The following UCHL3 variants were observed in gnomAD, a reference collection of about 807,000 sequenced individuals.
UCHL3 encodes ubiquitin carboxyl-terminal hydrolase isozyme L3.
A neutral mutation model predicts 35.8 loss-of-function variants in UCHL3; 22 were observed. The observed-to-expected ratio is 0.61, with a 90% CI of 0.44 to 0.88. The LOEUF is 0.88. Ranked by LOEUF, UCHL3 falls within the 40% of genes least tolerant of loss-of-function variation. The pLI, the probability that UCHL3 is intolerant of heterozygous loss-of-function variation, is 0.00. For missense variants in UCHL3, 229 were observed against 276.9 expected (o/e 0.83, Z 1.23); for synonymous variants, 90 against 92.8 (o/e 0.97, Z 0.17).
At chr13:75,551,180 A>G (rs1290823066) in intron 2 of UCHL3, among the ~76,000 whole-genome samples, 1 of 152,204 alleles carries the variant, frequency 6.6e-6, no homozygotes, top group African/African-American at 2.4e-5. Context: ...CTGTAATCCT[A>G]GCACTGGCGC....
intron 7 of UCHL3, among the ~76,000 whole-genome samples, chr13:75,602,096 G>A (rs1038656062): frequency 5.6e-5 from 8 of 142,838 alleles, no homozygotes; most frequent in African/African-American, 1.6e-4. Flanking sequence ...GCGACAGAGC[G>A]AGACTCTGTC....
intron 6 of UCHL3, among the ~76,000 whole-genome samples, chr13:75,593,640 G>A (rs1480192792): frequency 1.3e-5 from 2 of 152,188 alleles, no homozygotes; most frequent in Non-Finnish European, 2.9e-5. Context: ...AACACCTGTG[G>A]AATTCTGTAG....
intron 6 of UCHL3, among the ~76,000 whole-genome samples, chr13:75,581,516 A>ATTTTTTTT (rs11330521): frequency 1.8e-5 from 2 of 109,394 alleles, no homozygotes; most frequent in Admixed American, 1.9e-4. Context: ...CACCTGGCTA[A>ATTTTTTTT]TTTTTTTTTT....
chr13:75,557,713 C>T (rs549728845), intron 2 of UCHL3, among the ~76,000 whole-genome samples: 2 of 152,008 alleles, frequency 1.3e-5, no homozygotes, highest in Non-Finnish European at 2.9e-5. Context: ...GTGTTTTCTC[C>T]CAGTTTTGTA....
At chr13:75,602,857 G>A (rs1467529161) in intron 7 of UCHL3, among the ~76,000 whole-genome samples, 5 of 152,102 alleles carry the variant, frequency 3.3e-5, no homozygotes, top group African/African-American at 4.8e-5. Flanking sequence ...TAGACTGTAC[G>A]GTTTTGACAT....
At chr13:75,561,738 T>C (rs888177824) in intron 3 of UCHL3, among the ~76,000 whole-genome samples, 22 of 151,740 alleles carry the variant, frequency 1.4e-4, no homozygotes, top group African/African-American at 2.4e-4. Context: ...CAAGTCTACA[T>C]ATTTTAGTCT....
At chr13:75,599,931 A>G (rs988976062) in intron 7 of UCHL3, among the ~76,000 whole-genome samples, 12 of 152,228 alleles carry the variant, frequency 7.9e-5, no homozygotes, top group African/African-American at 2.7e-4. Flanking sequence ...CCAAGTTGTG[A>G]ATGCAAAGGA....
chr13:75,557,597 T>C (rs138355808), intron 2 of UCHL3, among the ~76,000 whole-genome samples: 46 of 152,296 alleles, frequency 3.0e-4, no homozygotes, highest in African/African-American at 1.1e-3. Context: ...AATGGGATGC[T>C]TCTAATTAAC....
chr13:75,564,241 C>A (rs1399727713), intron 3 of UCHL3, among the ~76,000 whole-genome samples: 3 of 151,760 alleles, frequency 2.0e-5, no homozygotes, highest in Non-Finnish European at 4.4e-5. Flanking sequence ...AGCTCCGCCT[C>A]CTGGGTTCGC....
chr13:75,602,449 T>G (rs1346945399), intron 7 of UCHL3, among the ~76,000 whole-genome samples: 1 of 152,154 alleles, frequency 6.6e-6, no homozygotes, highest in Admixed American at 6.5e-5. Context: ...GGACTGGGGT[T>G]TTTAGGTTAC....
At chr13:75,587,928 T>G (rs570651298) in intron 6 of UCHL3, among the ~76,000 whole-genome samples, 3 of 152,274 alleles carry the variant, frequency 2.0e-5, no homozygotes, top group African/African-American at 7.2e-5. Context: ...CACAGCCTAT[T>G]CTTTTGCAAC....
At chr13:75,559,242 G>C (rs575260083) in intron 2 of UCHL3, among the ~76,000 whole-genome samples, 2 of 151,026 alleles carry the variant, frequency 1.3e-5, no homozygotes, top group Non-Finnish European at 3.0e-5. Context: ...GGGTTTCACC[G>C]TATTAGCCAG....
intron 6 of UCHL3, among the ~76,000 whole-genome samples, chr13:75,589,126 A>T (rs567313401): frequency 2.1e-4 from 32 of 152,252 alleles, no homozygotes; most frequent in African/African-American, 6.5e-4. Context: ...AGTGATTAAG[A>T]TCATTGGACT....
Position 75,580,515 on chromosome 13 carries a change from T to G in UCHL3, c.474+11008T>G, listed in dbSNP as rs187176634. ...AGAGATGTTCCCAATTATTTTCTTT[T>G]CCATGTGCCATATTTTAGACTCAGC... On this transcript the variant is annotated intron_variant, in intron 6 of 8. Coordinates refer to ENST00000377595, the MANE Select transcript of UCHL3 (RefSeq NM_006002.5). Among the ~76,000 whole-genome samples, 192 of 152,330 alleles carry G rather than the reference T, an allele frequency of 1.3e-3. 1 individual carries two copies. Among genetic ancestry groups the G allele is most frequent in the African/African-American group, 4.5e-3 (188 of 41,572 alleles).
intron 4 of UCHL3, 125 bp from the exon 5 acceptor site, chr13:75,567,102 T>C: frequency 1.0e-6 from 1 of 961,264 alleles, no homozygotes; most frequent in Non-Finnish European, 1.5e-6. Flanking sequence ...ACATGATCCT[T>C]ACATTTCTAA....
intron 2 of UCHL3, among the ~76,000 whole-genome samples, chr13:75,553,323 C>G (rs1192307868): frequency 6.6e-6 from 1 of 152,172 alleles, no homozygotes; most frequent in African/African-American, 2.4e-5. Context: ...GTGTAGCTTG[C>G]TTCTGTGTGT....
intron 7 of UCHL3, among the ~76,000 whole-genome samples, chr13:75,601,338 A>G (rs1475709976): frequency 6.6e-6 from 1 of 152,250 alleles, no homozygotes; most frequent in African/African-American, 2.4e-5. Flanking sequence ...GTCAAACAGC[A>G]TCACATGCTA....
At chr13:75,570,798 G>A (rs991775918) in intron 6 of UCHL3, among the ~76,000 whole-genome samples, 3 of 152,074 alleles carry the variant, frequency 2.0e-5, no homozygotes, top group African/African-American at 7.2e-5. Context: ...TGTAGCACTA[G>A]CTACTAGGGA....
intron 6 of UCHL3, among the ~76,000 whole-genome samples, chr13:75,582,871 A>G (rs781749801): frequency 5.9e-5 from 9 of 152,232 alleles, no homozygotes; most frequent in Non-Finnish European, 1.0e-4. Context: ...TTTCCATAAT[A>G]GCACACTTTA....
Sources: allele counts gnomAD v4.1 joint callset (sites outside exome capture counted in the v4.1 genomes callset), GRCh38; gene constraint gnomAD v4.1.1; transcripts MANE v1.5; gene names NCBI Gene and HGNC (gene_info 2026-07-23, HGNC 2026-07-21).